Variants in AMZ1 observed in about 807,000 individuals in gnomAD.
The protein encoded by AMZ1 is archaelysin family metallopeptidase 1.
Under a neutral mutation model 29.9 loss-of-function variants are expected in AMZ1, and 39 were observed. The observed-to-expected ratio is 1.30, with a 90% CI of 1.01 to 1.70. AMZ1 has a LOEUF of 1.70. AMZ1 is among the 40% of genes most tolerant of loss of function. The pLI is 0.00. For synonymous variants in AMZ1, 458 were observed against 304.0 expected, an observed-to-expected ratio of 1.51 and a Z score of -5.27; for missense variants, 1,041 against 680.6, an observed-to-expected ratio of 1.53 and a Z score of -5.89.
chr7:2,721,991 T>C (rs1789441310), downstream of AMZ1, among the ~76,000 whole-genome samples: 1 of 152,246 alleles, frequency 6.6e-6, no homozygotes, highest in Admixed American at 6.5e-5. Flanking sequence ...CAGGTGGTGC[T>C]GGCGCTGTAG....
At chr7:2,707,189 C>G (rs952835061) in intron 3 of AMZ1, among the ~76,000 whole-genome samples, 2 of 151,898 alleles carry the variant, frequency 1.3e-5, no homozygotes, top group South Asian at 2.1e-4. Context: ...AGGAGAATGG[C>G]TTGAACCTGG....
chr7:2,746,874 G>C (rs1790789952), intron 4 of AMZ1, among the ~76,000 whole-genome samples: 1 of 152,184 alleles, frequency 6.6e-6, no homozygotes, highest in South Asian at 2.1e-4. Context: ...ACTACCATCA[G>C]AGAATACTAT....
At position 2,713,064 on chromosome 7, in the gene AMZ1, TC is replaced by T; in HGVS notation, c.*187del. The T allele has an allele frequency of 1.8e-6, 1 of 548,102 alleles. No homozygotes were observed. The highest frequency in any genetic ancestry group is 2.9e-6 in the Non-Finnish European group (1 of 344,202). 34.0% of individuals were successfully genotyped at this position (548,102 alleles called of 1,614,324 possible). A position where few individuals can be genotyped will look rare whatever the true frequency, so the allele number is the denominator to read the frequency against. On this transcript the variant is annotated 3_prime_UTR_variant, in exon 7 of 7. Coordinates refer to ENST00000683327, the MANE Select transcript of AMZ1 (RefSeq NM_001384743.1). ...ACCAGACTGGGCAACATGGTGAGAC[TC>T]TGCCTCTACAAAAGAAAAATTAAAA... is the stretch of plus-strand genomic sequence containing the variant.
In AMZ1 at chr7:2,719,031, C is replaced by G. The variant is rs1789298496; in HGVS notation, c.*6153C>G. 7.9e-6 allele frequency among the ~76,000 whole-genome samples: 1 copy of G among 126,178 alleles called. No homozygotes were observed. Among genetic ancestry groups the G allele is most frequent in the South Asian group, 2.3e-4 (1 of 4,262 alleles). 82.8% of individuals were successfully genotyped at this position (126,178 alleles called of 152,430 possible). On this transcript the variant is annotated 3_prime_UTR_variant, in exon 7 of 7. Transcript: ENST00000683327. ...GACTTTTTTTTTTTTTTTTCCCCCC[C>G]ATCTGAAGTGAGATCAAACTTCTAC... is the stretch of plus-strand genomic sequence containing the variant.
intron 4 of AMZ1, among the ~76,000 whole-genome samples, chr7:2,742,709 G>T (rs181834639): frequency 2.0e-4 from 31 of 152,270 alleles, no homozygotes; most frequent in Admixed American, 3.9e-4. Context: ...AATTCCTCTT[G>T]GTAATGCTTA....
At chr7:2,690,602 TTCCGATGTA>T (rs1306790930) in intron 1 of AMZ1, among the ~76,000 whole-genome samples, 1 of 152,104 alleles carries the variant, frequency 6.6e-6, no homozygotes, top group Non-Finnish European at 1.5e-5. Flanking sequence ...CTGGCTGGGT[TTCCGATGTA>T]GATGCTCTTG....
upstream of AMZ1, among the ~76,000 whole-genome samples, chr7:2,684,727 C>G (rs58793068): frequency 0.26 from 39,920 of 152,040 alleles, 5,391 homozygotes; most frequent in Middle Eastern, 0.33. Flanking sequence ...CAGGCTGCCT[C>G]TGTGTTTCGG....
chr7:2,689,378 G>A (rs950641116), intron 1 of AMZ1, among the ~76,000 whole-genome samples: 12 of 152,178 alleles, frequency 7.9e-5, no homozygotes, highest in African/African-American at 2.9e-4. Flanking sequence ...CCTGGGGGGG[G>A]GATGCGGACG....
rs1374767422 is a variant in AMZ1 at position 2,716,666 on chromosome 7, G to A, written c.*3788G>A. On this transcript the variant is annotated 3_prime_UTR_variant, in exon 7 of 7. Coordinates refer to ENST00000683327, the MANE Select transcript of AMZ1 (RefSeq NM_001384743.1). The stretch of plus-strand genomic sequence containing the variant: ...GGGAGCTGCTCTGCAGACCCACCAG[G>A]CAGGGACGGCCAGGCCTCGGAGAGA... 1 of 152,232 alleles carries A rather than the reference G, an allele frequency of 6.6e-6. No homozygotes were observed. Among genetic ancestry groups the A allele is most frequent in the East Asian group, 1.9e-4 (1 of 5,184 alleles). 9.4% of individuals were successfully genotyped at this position (152,232 alleles called of 1,614,324 possible). A position where few individuals can be genotyped will look rare whatever the true frequency, so the allele number is the denominator to read the frequency against.
At chr7:2,730,761 G>C (rs1789847629) in intron 4 of AMZ1, 1 of 167,630 alleles carries the variant, frequency 6.0e-6, no homozygotes, top group East Asian at 1.6e-4. Flanking sequence ...GGGAAGACTT[G>C]TGAGTTAGAA....
At chr7:2,727,145 G>C (rs1789654141) in intron 4 of AMZ1, among the ~76,000 whole-genome samples, 1 of 152,132 alleles carries the variant, frequency 6.6e-6, no homozygotes, top group Admixed American at 6.6e-5. Flanking sequence ...GCAGTGGCAT[G>C]ATCTCGGCTC....
At chr7:2,705,985 A>C (rs1282231071) in intron 3 of AMZ1, among the ~76,000 whole-genome samples, 5 of 152,226 alleles carry the variant, frequency 3.3e-5, no homozygotes, top group African/African-American at 4.8e-5. Context: ...GACAGCACCA[A>C]GTCCCACAAG....
In AMZ1 at chr7:2,693,806, C is replaced by T. The variant is rs534718809; in HGVS notation, c.-219+5510C>T. The stretch of plus-strand genomic sequence containing the variant: ...TCCTGACCTCCTGATCCGCTCGCCT[C>T]GGCCTCCCAAAGTGCTGAGAATGCA... On this transcript the variant is annotated intron_variant, in intron 1 of 6. Coordinates refer to ENST00000683327, the MANE Select transcript of AMZ1 (RefSeq NM_001384743.1). Among the ~76,000 whole-genome samples the T allele has an allele frequency of 2.0e-4, 30 of 152,366 alleles. No individual in the cohort carries two copies. The South Asian group carries it at 2.9e-3, about 15-fold the overall frequency.
rs1057217646 is a variant in AMZ1 at position 2,731,144 on chromosome 7, G to A, written n.550+21328G>A. 1 of 1,422,480 alleles carries A rather than the reference G, an allele frequency of 7.0e-7. No individual in the cohort carries two copies. The highest frequency in any genetic ancestry group is 1.4e-5 in the African/African-American group (1 of 71,390). The allele number at this position is 1,422,480 out of a possible 1,614,324, so 88.1% of individuals were successfully genotyped here. ...CAAGAGTCTGACCGACAGCCGTGGG[G>A]GCTGCTCAACGACGACAAACCCCGG... On this transcript the variant is annotated intron_variant and non_coding_transcript_variant, in intron 4 of 4. Transcript: ENST00000489665. This position sits in a 1 kb window ranked among gnomAD's most constrained non-coding sequence, Gnocchi z 6.0.
Position 2,716,781 on chromosome 7 carries a change from T to C in AMZ1, c.*3903T>C, listed in dbSNP as rs114124995. 0.012 allele frequency among the ~76,000 whole-genome samples: 1,781 copies of C among 152,278 alleles called. 47 individuals are homozygous for C. The highest frequency in any genetic ancestry group is 0.041 in the African/African-American group (1,692 of 41,538). On this transcript the variant is annotated 3_prime_UTR_variant, in exon 7 of 7. Transcript: ENST00000683327. ...TCCACCGCTTAAGGGGTCCTTCCTA[T>C]GTAACGGAATTTTTTTACATCATCA...
At chr7:2,756,989 T>C (rs1791328622) in intron 4 of AMZ1, among the ~76,000 whole-genome samples, 1 of 152,120 alleles carries the variant, frequency 6.6e-6, no homozygotes, top group Non-Finnish European at 1.5e-5. Context: ...TGGAAGGTTC[T>C]CTTGAGCTGG....
At chr7:2,762,877 T>A (rs1350605923), upstream of AMZ1, 2 of 1,440,418 alleles carry the variant, frequency 1.4e-6, no homozygotes, top group African/African-American at 2.9e-5. Context: ...CGAGCCCTGC[T>A]CGTGGAGCCA....
Position 2,731,737 on chromosome 7 carries a change from C to T in AMZ1, n.550+21921C>T. 6.6e-7 allele frequency: 1 copy of T among 1,524,930 alleles called. No homozygotes were observed. The highest frequency in any genetic ancestry group is 8.9e-7 in the Non-Finnish European group (1 of 1,128,922). 94.5% of individuals were successfully genotyped at this position (1,524,930 alleles called of 1,614,324 possible). ...CCTAGCCAGCAGGATATCTTGCTTACTAGGAAAGTAATTCTGTAAAATACA... is the reference window on the plus strand; with the variant it reads ...CCTAGCCAGCAGGATATCTTGCTTATTAGGAAAGTAATTCTGTAAAATACA... On this transcript the variant is annotated intron_variant and non_coding_transcript_variant, in intron 4 of 4. Coordinates refer to the AMZ1 transcript ENST00000489665. The surrounding 1 kb of genome is among the most constrained non-coding windows in gnomAD (Gnocchi z 6.0).
At chr7:2,737,275 TTTTTTTTTTTTTTG>T (rs1258531233) in intron 4 of AMZ1, among the ~76,000 whole-genome samples, 824 of 39,612 alleles carry the variant, frequency 0.021, 27 homozygotes, top group African/African-American at 0.047. Flanking sequence ...TTTTGTTTTG[TTTTTTTTTTTTTTG>T]TTTTTTTTTT....
Sources: allele counts gnomAD v4.1 joint callset (sites outside exome capture counted in the v4.1 genomes callset), GRCh38; gene constraint gnomAD v4.1.1; non-coding constraint Gnocchi (gnomAD v3.1); transcripts MANE v1.5; gene names NCBI Gene and HGNC (gene_info 2026-07-23, HGNC 2026-07-21).